LEKR1: variants seen among roughly 807,000 people sequenced by gnomAD.
LEKR1 encodes protein LEKR1.
A neutral mutation model predicts 72.4 loss-of-function variants in LEKR1; 59 were observed. That is an observed-to-expected ratio of 0.82 (90% CI 0.66 to 1.01). The LOEUF (loss-of-function observed/expected upper bound fraction) is 1.01. LEKR1 is among the 50% of genes least tolerant of loss of function. LEKR1 has a pLI of 0.00. For missense variants in LEKR1, 728 were observed against 759.2 expected (o/e 0.96, Z 0.48); for synonymous variants, 257 against 263.2 (o/e 0.98, Z 0.23).
At chr3:156,841,634 A>G (rs1713920815) in intron 2 of LEKR1, among the ~76,000 whole-genome samples, 1 of 152,190 alleles carries the variant, frequency 6.6e-6, no homozygotes, top group Non-Finnish European at 1.5e-5. Flanking sequence ...TATTATGCCT[A>G]TTATGTGCCA....
chr3:156,980,477 A>T (rs1325744202), intron 7 of LEKR1, among the ~76,000 whole-genome samples: 1 of 152,028 alleles, frequency 6.6e-6, no homozygotes, highest in Non-Finnish European at 1.5e-5. Flanking sequence ...GAATTGGTGG[A>T]CGGGGGTCCT....
At position 156,836,677 on chromosome 3, in the gene LEKR1, T is replaced by C. The variant is rs531220905; in HGVS notation, c.48+7300T>C. Among the ~76,000 whole-genome samples, 8 of 152,284 alleles carry C rather than the reference T, an allele frequency of 5.3e-5. No individual in the cohort carries two copies. The South Asian group carries it at 1.7e-3, about 32-fold the overall frequency. On this transcript the variant is annotated intron_variant, in intron 2 of 12. Coordinates refer to ENST00000356539, the MANE Select transcript of LEKR1 (RefSeq NM_001004316.3). ...AGATTATGACTTATCGATGGATGCATGAGGTGTCTCCAAAGAGACAGCAAG... is the reference window on the plus strand; with the variant it reads ...AGATTATGACTTATCGATGGATGCACGAGGTGTCTCCAAAGAGACAGCAAG...
At chr3:156,985,136 G>A (rs79794160) in intron 7 of LEKR1, among the ~76,000 whole-genome samples, 4,157 of 152,132 alleles carry the variant, frequency 0.027, 158 homozygotes, top group East Asian at 0.18. Context: ...TGAGAGCCAG[G>A]ACTATTGTGT....
intron 3 of LEKR1, among the ~76,000 whole-genome samples, chr3:156,896,627 T>G (rs1377261873): frequency 6.6e-6 from 1 of 152,216 alleles, no homozygotes; most frequent in South Asian, 2.1e-4. Flanking sequence ...GTTCAGCCAC[T>G]GTGGACAGCA....
intron 5 of LEKR1, among the ~76,000 whole-genome samples, chr3:156,928,959 A>T (rs900418674): frequency 1.3e-5 from 2 of 152,112 alleles, no homozygotes; most frequent in Non-Finnish European, 2.9e-5. Context: ...AATTACTCAT[A>T]TCCAAAAGAA....
intron 12 of LEKR1, among the ~76,000 whole-genome samples, chr3:157,042,777 C>T (rs1735448309): frequency 6.6e-6 from 1 of 152,034 alleles, no homozygotes; most frequent in Non-Finnish European, 1.5e-5. Flanking sequence ...AATATGTTGG[C>T]CTCATTTTTC....
intron 7 of LEKR1, among the ~76,000 whole-genome samples, chr3:156,980,791 G>A (rs1730131664): frequency 6.6e-6 from 1 of 152,142 alleles, no homozygotes; most frequent in African/African-American, 2.4e-5. Flanking sequence ...ATATAGTGGA[G>A]TCTTAGAAAG....
In LEKR1 at chr3:156,841,378, G is replaced by A. The variant is rs77496338; in HGVS notation, c.49-11390G>A. On this transcript the variant is annotated intron_variant, in intron 2 of 12. Coordinates refer to ENST00000356539, the MANE Select transcript of LEKR1 (RefSeq NM_001004316.3). ...AGAGTTATAGAGGGTTTTCTCTCAT[G>A]TTTGAGATACTTTACAAGTAAATTG... is the stretch of plus-strand genomic sequence containing the variant. Among the ~76,000 whole-genome samples, 455 of 152,282 alleles carry A rather than the reference G, an allele frequency of 3.0e-3. 21 individuals are homozygous for A. In the East Asian group the frequency reaches 0.079, roughly 26 times the overall value.
rs930828781 is a variant in LEKR1, at chr3:156,898,929, A to T, written c.264-21646A>T. On this transcript the variant is annotated intron_variant, in intron 3 of 12. Coordinates refer to ENST00000356539, the MANE Select transcript of LEKR1 (RefSeq NM_001004316.3). ...CCTCAAAAGGTTTAAATGAAAAAAC[A>T]TCTATAAAACATGTTGCATAGAGCC... Among the ~76,000 whole-genome samples the T allele has an allele frequency of 3.9e-5, 6 of 152,318 alleles. No homozygotes were observed. In the East Asian group the frequency reaches 1.2e-3, roughly 29 times the overall value.
chr3:157,034,936 C>A (rs1313079282), intron 12 of LEKR1, among the ~76,000 whole-genome samples: 2 of 152,150 alleles, frequency 1.3e-5, no homozygotes, highest in Non-Finnish European at 1.5e-5. Flanking sequence ...CTGTTGTCTT[C>A]TTTTAAGAAA....
Position 157,045,975 on chromosome 3 carries a change from C to G in LEKR1, c.*225C>G. 1 of 492,034 alleles carries G rather than the reference C, an allele frequency of 2.0e-6. No individual in the cohort carries two copies. Among genetic ancestry groups the G allele is most frequent in the Middle Eastern group, 5.2e-4 (1 of 1,924 alleles). The allele number at this position is 492,034 out of a possible 1,614,324, so 30.5% of individuals were successfully genotyped here. ...ACAGATCATTAAGTTGTTGGTATTC[C>G]AGAGGTCCGATTTCTATGTTTATGT... is the stretch of plus-strand genomic sequence containing the variant. On this transcript the variant is annotated 3_prime_UTR_variant, in exon 13 of 13. Transcript: ENST00000356539.
chr3:156,936,111 T>A (rs966036655), intron 5 of LEKR1, among the ~76,000 whole-genome samples: 1 of 152,132 alleles, frequency 6.6e-6, no homozygotes, highest in African/African-American at 2.4e-5. Context: ...TTTACTTAAA[T>A]TTATTAAACA....
At chr3:156,899,623 CACATATATACACGCATATAT>C (rs1721745358) in intron 3 of LEKR1, among the ~76,000 whole-genome samples, 5 of 89,824 alleles carry the variant, frequency 5.6e-5, no homozygotes, top group African/African-American at 9.7e-5. Flanking sequence ...CACATATATA[CACATATATACACGCATATAT>C]ACACATATAT....
chr3:156,826,511 G>A (rs1264125929), intron 1 of LEKR1, 135 bp downstream of exon 1: 2 of 154,276 alleles, frequency 1.3e-5, no homozygotes, highest in African/African-American at 2.4e-5. Context: ...ACGAGGCCCC[G>A]GGTCTGGACT....
At chr3:156,867,711 G>A (rs1199586236) in intron 3 of LEKR1, among the ~76,000 whole-genome samples, 1 of 151,956 alleles carries the variant, frequency 6.6e-6, no homozygotes, top group African/African-American at 2.4e-5. Flanking sequence ...TTGTGTGTGT[G>A]TTTGTGTTCT....
chr3:156,869,990 C>T (rs1199011410), intron 3 of LEKR1, among the ~76,000 whole-genome samples: 3 of 151,858 alleles, frequency 2.0e-5, no homozygotes, highest in African/African-American at 7.3e-5. Context: ...GTTCTTGGTG[C>T]CTTTGTTGAA....
At chr3:157,035,063 G>C (rs781320154) in intron 12 of LEKR1, among the ~76,000 whole-genome samples, 5 of 152,176 alleles carry the variant, frequency 3.3e-5, no homozygotes, top group Non-Finnish European at 5.9e-5. Context: ...TCAGATGATT[G>C]ATAGCATTTT....
intron 3 of LEKR1, among the ~76,000 whole-genome samples, chr3:156,891,517 G>T (rs1720666926): frequency 6.6e-6 from 1 of 152,146 alleles, no homozygotes; most frequent in African/African-American, 2.4e-5. Flanking sequence ...TGCAATGGAA[G>T]GTATCAGTGA....
intron 3 of LEKR1, among the ~76,000 whole-genome samples, chr3:156,878,132 G>T (rs375916430): frequency 6.6e-6 from 1 of 151,560 alleles, no homozygotes; most frequent in East Asian, 1.9e-4. Flanking sequence ...ATTTATTTCT[G>T]TTCTGATCTT....
Sources: allele counts gnomAD v4.1 joint callset (sites outside exome capture counted in the v4.1 genomes callset), GRCh38; gene constraint gnomAD v4.1.1; transcripts MANE v1.5; gene names NCBI Gene and HGNC (gene_info 2026-07-23, HGNC 2026-07-21).